SH2D4B: variants seen among roughly 807,000 people sequenced by gnomAD.
SH2D4B encodes SH2 domain containing 4B.
Under a neutral mutation model 61.5 loss-of-function variants are expected in SH2D4B, and 45 were observed. The ratio of observed to expected loss-of-function variants is 0.73; its 90% CI spans 0.58 to 0.94. SH2D4B has a LOEUF of 0.94. Ranked by LOEUF, SH2D4B falls within the 40% of genes least tolerant of loss-of-function variation. The pLI is 0.00. For synonymous variants in SH2D4B, 224 were observed against 220.4 expected (o/e 1.02, Z -0.14); for missense variants, 572 against 574.2 (o/e 1.00, Z 0.04).
chr10:80,574,666 A>G (rs1453940375), intron 3 of SH2D4B, among the ~76,000 whole-genome samples: 4 of 151,218 alleles, frequency 2.6e-5, no homozygotes, highest in Non-Finnish European at 4.4e-5. Flanking sequence ...TAAATTTTTT[A>G]GCAGATTTTC....
Position 80,538,641 on chromosome 10 carries a change from C to A in SH2D4B, c.184+126C>A, listed in dbSNP as rs1392022295. 3.6e-6 allele frequency: 3 copies of A among 833,622 alleles called. No individual in the cohort carries two copies. Among genetic ancestry groups the A allele is most frequent in the Non-Finnish European group, 1.6e-6 (1 of 608,788 alleles). The allele number at this position is 833,622 out of a possible 1,614,324, so 51.6% of individuals were successfully genotyped here. A position where few individuals can be genotyped will look rare whatever the true frequency, so the allele number is the denominator to read the frequency against. On this transcript the variant is annotated intron_variant, in intron 1 of 7. Transcript: ENST00000646907. The surrounding 1 kb of genome is among the most constrained non-coding windows in gnomAD (Gnocchi z 4.8). ...GTGATGAGGGCTGGGGGCTTGAAAC[C>A]CTTGTCTTGTGGGCATCAGGTCCCA...
intron 5 of SH2D4B, among the ~76,000 whole-genome samples, chr10:80,606,315 A>C (rs1842519739): frequency 6.6e-6 from 1 of 151,558 alleles, no homozygotes; most frequent in African/African-American, 2.4e-5. Flanking sequence ...ATTTTAATAA[A>C]ATTTATTTAA....
chr10:80,577,983 T>A (rs919489824), intron 3 of SH2D4B, among the ~76,000 whole-genome samples: 35 of 152,038 alleles, frequency 2.3e-4, no homozygotes, highest in African/African-American at 7.5e-4. Context: ...TTTCTTTTTT[T>A]TTTTCGAGAC....
chr10:80,642,263 G>T (rs371461836), intron 7 of SH2D4B, among the ~76,000 whole-genome samples: 18 of 152,242 alleles, frequency 1.2e-4, no homozygotes, highest in Middle Eastern at 3.4e-3. Context: ...AGCCCAAGTT[G>T]CATATTTCCT....
chr10:80,573,567 T>A (rs1158028670), intron 3 of SH2D4B, among the ~76,000 whole-genome samples: 7 of 152,308 alleles, frequency 4.6e-5, no homozygotes, highest in South Asian at 2.1e-4. Flanking sequence ...GTAGTCCCCA[T>A]ATTATTTATT....
intron 1 of SH2D4B, among the ~76,000 whole-genome samples, chr10:80,558,522 C>T (rs1208299821): frequency 1.3e-5 from 2 of 151,976 alleles, no homozygotes; most frequent in Admixed American, 6.6e-5. Context: ...ACTTTGTCAC[C>T]CAGGCTGGAG....
intron 7 of SH2D4B, among the ~76,000 whole-genome samples, chr10:80,637,547 T>G (rs1840205705): frequency 6.6e-6 from 1 of 152,232 alleles, no homozygotes; most frequent in Admixed American, 6.5e-5. Context: ...TTTGTACCAA[T>G]TATGAATGGG....
intron 3 of SH2D4B, among the ~76,000 whole-genome samples, chr10:80,574,983 G>A (rs2132121471): frequency 6.6e-6 from 1 of 152,222 alleles, no homozygotes; most frequent in East Asian, 1.9e-4. Flanking sequence ...TTACAGGCAT[G>A]AGCCACCATG....
intron 1 of SH2D4B, among the ~76,000 whole-genome samples, chr10:80,545,405 C>G (rs1195532739): frequency 6.6e-6 from 1 of 151,688 alleles, no homozygotes; most frequent in South Asian, 2.1e-4. Flanking sequence ...TCTCCTCTTT[C>G]TCTTACTTTC....
At chr10:80,615,189 G>A (rs1423206465) in intron 6 of SH2D4B, among the ~76,000 whole-genome samples, 1 of 152,320 alleles carries the variant, frequency 6.6e-6, no homozygotes, top group African/African-American at 2.4e-5. Context: ...TGCCATCCTC[G>A]GGCTTGATGC....
chr10:80,600,357 C>T (rs1842437531), intron 4 of SH2D4B, among the ~76,000 whole-genome samples: 1 of 152,212 alleles, frequency 6.6e-6, no homozygotes, highest in Admixed American at 6.5e-5. Context: ...GTAACCGGAT[C>T]ATCTGAATTC....
intron 6 of SH2D4B, among the ~76,000 whole-genome samples, chr10:80,618,738 TCCATAAAAA>T (rs1197871081): frequency 2.0e-5 from 3 of 152,202 alleles, no homozygotes; most frequent in African/African-American, 7.2e-5. Flanking sequence ...TAAATTGAGG[TCCATAAAAA>T]GTGAAACGTC....
chr10:80,621,227 T>G (rs1842715219), intron 6 of SH2D4B, among the ~76,000 whole-genome samples: 1 of 152,198 alleles, frequency 6.6e-6, no homozygotes, highest in Non-Finnish European at 1.5e-5. Context: ...ATCTAGCAGG[T>G]AAAGGCCAGA....
Position 80,587,587 on chromosome 10 carries a change from TC to T in SH2D4B, c.496-1042del, listed in dbSNP as rs1842275115. On this transcript the variant is annotated intron_variant, in intron 3 of 7. Coordinates refer to ENST00000646907, the MANE Select transcript of SH2D4B (RefSeq NM_001388272.1). ...AGCCACGACGCCCAGCTTTTTTTTT[TC>T]TTTCTAAACTTTTATTTTAGATTCC... Among the ~76,000 whole-genome samples the T allele has an allele frequency of 2.0e-5, 3 of 152,306 alleles. 1 individual carries two copies. Among genetic ancestry groups the T allele is most frequent in the Admixed American group, 2.0e-4 (3 of 15,298 alleles).
rs1037744180 is a variant in SH2D4B at position 80,588,669 on chromosome 10, A to C, written c.535A>C (p.Ile179Leu). 4 of 1,613,978 alleles carry C rather than the reference A, an allele frequency of 2.5e-6. No homozygotes were observed. Among genetic ancestry groups the C allele is most frequent in the Admixed American group, 1.7e-5 (1 of 60,012 alleles). ...EEERKRGEEQIRLQEEQRAKE... is the reference protein window; with the variant it reads ...EEERKRGEEQLRLQEEQRAKE... Reference sequence around the variant, plus strand: ...GGAGAGGAAGCGAGGAGAAGAGCAGATTCGCCTCCAGGAAGAGCAGAGGGC... The same window carrying C: ...GGAGAGGAAGCGAGGAGAAGAGCAGCTTCGCCTCCAGGAAGAGCAGAGGGC... The change falls in exon 4 of 8, where the codon ATT (isoleucine) becomes CTT (leucine). Residue 179 changes from isoleucine (I) to leucine (L), a missense_variant. Physicochemically the swap from Ile to Leu is conservative, Grantham distance 5. Coordinates refer to ENST00000646907, the MANE Select transcript of SH2D4B (RefSeq NM_001388272.1).
intron 1 of SH2D4B, among the ~76,000 whole-genome samples, chr10:80,552,538 A>AC (rs1431773438): frequency 2.0e-5 from 3 of 152,004 alleles, no homozygotes. Flanking sequence ...AGCCTGGAGG[A>AC]CAGCAGGGGC....
chr10:80,588,733 A>G lies in SH2D4B; in HGVS notation c.599A>G (p.His200Arg). 4 of 1,614,158 alleles carry G rather than the reference A, an allele frequency of 2.5e-6. No homozygotes were observed. Among genetic ancestry groups the G allele is most frequent in the Non-Finnish European group, 3.4e-6 (4 of 1,180,036 alleles). The change falls in exon 4 of 8, where the codon CAT becomes CGT. Residue 200 changes from histidine (H) to arginine (R), a missense_variant. His to Arg is a conservative substitution (Grantham distance 29, BLOSUM62 0). Transcript: ENST00000646907. ...TGGACCCTGAAGCAGGCTCAGCTGC[A>G]TTGCCAAGCCAGTGAGAAAGAGGAG... ...LYWTLKQAQL[H>R]CQASEKEERE...
At chr10:80,603,215 A>G (rs1196680650) in intron 4 of SH2D4B, among the ~76,000 whole-genome samples, 1 of 152,050 alleles carries the variant, frequency 6.6e-6, no homozygotes, top group Admixed American at 6.6e-5. Flanking sequence ...CACTCCCAGG[A>G]AGAAATAGAT....
chr10:80,588,901 C>G, intron 4 of SH2D4B, 124 bp downstream of exon 4: 1 of 1,196,848 alleles, frequency 8.4e-7, no homozygotes, highest in Non-Finnish European at 1.2e-6. Flanking sequence ...TTTACTTGGA[C>G]CCGGCCATGT....
Sources: allele counts gnomAD v4.1 joint callset (sites outside exome capture counted in the v4.1 genomes callset), GRCh38; gene constraint gnomAD v4.1.1; non-coding constraint Gnocchi (gnomAD v3.1); transcripts MANE v1.5; gene names NCBI Gene and HGNC (gene_info 2026-07-23, HGNC 2026-07-21).